The following SUGT1 variants were observed in gnomAD, a reference collection of about 807,000 sequenced individuals.
SUGT1 encodes the protein SGT1 assembly cochaperone of MIS12 kinetochore complex.
In SUGT1, 15 loss-of-function variants were observed where a neutral mutation model predicts 56.1. The observed-to-expected ratio is 0.27, with a 90% confidence interval of 0.18 to 0.41. The LOEUF (loss-of-function observed/expected upper bound fraction) is 0.41. Among genes scored for constraint, SUGT1 ranks in the 10% least tolerant of loss-of-function variants. The pLI is 1.00. For missense variants in SUGT1, 347 were observed against 382.2 expected (o/e 0.91, Z 0.77); for synonymous variants, 123 against 128.6 (o/e 0.96, Z 0.30).
At chr13:52,666,703 G>A in intron 9 of SUGT1, 109 bp from the exon 10 acceptor site, 2 of 755,156 alleles carry the variant, frequency 2.6e-6, no homozygotes, top group Non-Finnish European at 4.4e-6. Flanking sequence ...CATATATAAT[G>A]TTTAAAATAA....
chr13:52,659,105 A>G, intron 4 of SUGT1, 74 bp from the exon 5 acceptor site: 1 of 1,243,938 alleles, frequency 8.0e-7, no homozygotes, highest in Non-Finnish European at 1.1e-6. Flanking sequence ...GAAAATACTA[A>G]GTTTTTTATT....
chr13:52,667,791 G>A (rs374263655), intron 10 of SUGT1, among the ~76,000 whole-genome samples: 61 of 152,134 alleles, frequency 4.0e-4, no homozygotes, highest in African/African-American at 1.4e-3. Flanking sequence ...CTGGATCTTT[G>A]CTTGCCCTGT....
At chr13:52,654,665 A>G (rs996330648) in intron 2 of SUGT1, among the ~76,000 whole-genome samples, 1 of 152,118 alleles carries the variant, frequency 6.6e-6, no homozygotes, top group African/African-American at 2.4e-5. Context: ...TTTGTTCTTG[A>G]CTCATAAACA....
chr13:52,668,954 CAT>C (rs1212760144), intron 10 of SUGT1, among the ~76,000 whole-genome samples: 15 of 152,006 alleles, frequency 9.9e-5, no homozygotes, highest in East Asian at 3.9e-4. Flanking sequence ...GGAAGAATAT[CAT>C]GTGTGGTAAA....
rs1450011023 is a variant in SUGT1 at position 52,691,105 on chromosome 13, C to T, written c.*3270C>T. On this transcript the variant is annotated 3_prime_UTR_variant, in exon 13 of 13. Coordinates refer to ENST00000310528, the MANE Select transcript of SUGT1 (RefSeq NM_006704.5). Reference sequence around the variant, plus strand: ...TCAAATGATTCTCCCATCTCAGCCTCCCAAGTAGCTGGGACCACAGGCATG... The same window carrying T: ...TCAAATGATTCTCCCATCTCAGCCTTCCAAGTAGCTGGGACCACAGGCATG... 2 of 152,122 alleles carry T rather than the reference C, an allele frequency of 1.3e-5. No individual in the cohort carries two copies. Among genetic ancestry groups the T allele is most frequent in the African/African-American group, 4.8e-5 (2 of 41,394 alleles). The allele number at this position is 152,122 out of a possible 1,614,324, so 9.4% of individuals were successfully genotyped here. A position where few individuals can be genotyped will look rare whatever the true frequency, so the allele number is the denominator to read the frequency against.
chr13:52,656,245 C>T (rs1343027553), intron 2 of SUGT1, among the ~76,000 whole-genome samples: 1 of 152,208 alleles, frequency 6.6e-6, no homozygotes, highest in African/African-American at 2.4e-5. Context: ...ATGTCACATA[C>T]AGATCTAGGC....
intron 5 of SUGT1, chr13:52,661,563 G>C: frequency 2.4e-6 from 1 of 414,910 alleles, no homozygotes; most frequent in East Asian, 1.0e-4. Context: ...AAAGTGCTGG[G>C]ATTACAGGTA....
chr13:52,663,939 G>A, intron 7 of SUGT1, 96 bp from the exon 8 acceptor site: 3 of 1,175,816 alleles, frequency 2.6e-6, no homozygotes, highest in Middle Eastern at 1.9e-4. Flanking sequence ...GCAGTGTTGG[G>A]TAAATTAATA....
intron 2 of SUGT1, 79 bp downstream of exon 2, chr13:52,653,182 C>T: frequency 6.5e-7 from 1 of 1,550,270 alleles, no homozygotes; most frequent in Non-Finnish European, 8.8e-7. Context: ...CCCGCCTTCT[C>T]CCCGCACCGC....
In SUGT1 at chr13:52,673,243, T is replaced by C. The variant is rs1268634452; in HGVS notation, c.628-2987T>C. 1.5e-3 allele frequency among the ~76,000 whole-genome samples: 5 copies of C among 3,436 alleles called. No homozygotes were observed. The Admixed American group carries it at 0.017, about 12-fold the overall frequency. The allele number at this position is 3,436 out of a possible 152,430, so 2.3% of individuals were successfully genotyped here. A position where few individuals can be genotyped will look rare whatever the true frequency, so the allele number is the denominator to read the frequency against. On this transcript the variant is annotated intron_variant, in intron 10 of 12. Transcript: ENST00000310528. ...GACATTAGTCCCTCCCTTCTTTTAC[T>C]TTTTTTTTTTTTGTGTGGGGGTAGA...
At chr13:52,673,158 T>A (rs1006537668) in intron 10 of SUGT1, among the ~76,000 whole-genome samples, 3 of 152,206 alleles carry the variant, frequency 2.0e-5, no homozygotes, top group African/African-American at 2.4e-5. Flanking sequence ...ACTTAAAACT[T>A]CATTTTTAAA....
At chr13:52,679,791 A>T (rs1176385130) in intron 11 of SUGT1, among the ~76,000 whole-genome samples, 183 bp from the exon 12 acceptor site, 1 of 152,206 alleles carries the variant, frequency 6.6e-6, no homozygotes, top group Non-Finnish European at 1.5e-5. Flanking sequence ...TAACTGACTC[A>T]GTTTTTAGAA....
chr13:52,654,765 G>A (rs1366554283), intron 2 of SUGT1, among the ~76,000 whole-genome samples: 1 of 152,214 alleles, frequency 6.6e-6, no homozygotes, highest in African/African-American at 2.4e-5. Flanking sequence ...TGAAGTAGTA[G>A]TTCTTTCGCA....
At chr13:52,669,177 C>T (rs764503782) in intron 10 of SUGT1, among the ~76,000 whole-genome samples, 7 of 152,120 alleles carry the variant, frequency 4.6e-5, no homozygotes, top group Non-Finnish European at 7.4e-5. Context: ...TCATGTCCCT[C>T]GTTTCTGTGT....
chr13:52,657,224 G>A (rs1270997008), intron 2 of SUGT1, among the ~76,000 whole-genome samples: 1 of 152,122 alleles, frequency 6.6e-6, no homozygotes, highest in Non-Finnish European at 1.5e-5. Flanking sequence ...TGGTCAATGT[G>A]TAACAATTAA....
At chr13:52,675,671 T>C (rs958678970) in intron 10 of SUGT1, among the ~76,000 whole-genome samples, 2 of 152,248 alleles carry the variant, frequency 1.3e-5, no homozygotes, top group Non-Finnish European at 2.9e-5. Flanking sequence ...ATTGCCTGAA[T>C]GTTAACATGA....
At chr13:52,662,544 CCA>C in intron 5 of SUGT1, 103 bp from the exon 6 acceptor site, 1 of 1,108,886 alleles carries the variant, frequency 9.0e-7, no homozygotes. Context: ...TGCCGACTCC[CCA>C]GTGCCTAGAA....
At chr13:52,685,093 G>A (rs1963525753) in intron 12 of SUGT1, among the ~76,000 whole-genome samples, 1 of 147,432 alleles carries the variant, frequency 6.8e-6, no homozygotes, top group African/African-American at 2.5e-5. Context: ...TCTAGTCAGG[G>A]TCTTGCTCTA....
chr13:52,671,800 A>C (rs968397859), intron 10 of SUGT1, among the ~76,000 whole-genome samples: 1 of 152,158 alleles, frequency 6.6e-6, no homozygotes, highest in African/African-American at 2.4e-5. Context: ...TTATGGTCAT[A>C]TATCTAACCA....
Sources: gnomAD v4.1 joint callset for allele counts (sites outside exome capture counted in the v4.1 genomes callset) on GRCh38, gnomAD v4.1.1 for gene constraint, MANE v1.5 for transcripts, NCBI Gene and HGNC (gene_info 2026-07-23, HGNC 2026-07-21) for gene names.